PTPRT: variants seen among roughly 807,000 people sequenced by gnomAD.
The protein encoded by PTPRT is receptor-type tyrosine-protein phosphatase T.
In PTPRT, 56 loss-of-function variants were observed where a neutral mutation model predicts 176.8. The ratio of observed to expected loss-of-function variants is 0.32; its 90% confidence interval spans 0.26 to 0.40. The LOEUF is 0.40. Ranked by LOEUF, PTPRT falls within the 10% of genes least tolerant of loss-of-function variation. PTPRT has a pLI of 1.00. For synonymous variants in PTPRT, 783 were observed against 739.0 expected, an observed-to-expected ratio of 1.06 and a Z score of -0.96; for missense variants, 1,540 against 1,908.2, an observed-to-expected ratio of 0.81 and a Z score of 3.60.
chr20:42,663,133 A>G (rs555345522), intron 7 of PTPRT, among the ~76,000 whole-genome samples: 7 of 152,140 alleles, frequency 4.6e-5, no homozygotes, highest in Non-Finnish European at 8.8e-5. Flanking sequence ...TCAAAGAAAC[A>G]CTTTGATCTC....
chr20:42,820,639 C>T (rs1011029739), intron 2 of PTPRT, among the ~76,000 whole-genome samples: 10 of 151,064 alleles, frequency 6.6e-5, no homozygotes, highest in East Asian at 3.9e-4. Context: ...GATGGTTTTT[C>T]GAAAAAATTA....
intron 2 of PTPRT, among the ~76,000 whole-genome samples, chr20:42,882,634 C>T (rs1011902867): frequency 1.3e-5 from 2 of 152,100 alleles, no homozygotes; most frequent in Admixed American, 1.3e-4. Flanking sequence ...GACTATTTGC[C>T]CATCCACACA....
At chr20:42,345,760 C>T (rs182234752) in intron 11 of PTPRT, among the ~76,000 whole-genome samples, 1 of 151,656 alleles carries the variant, frequency 6.6e-6, no homozygotes, top group Non-Finnish European at 1.5e-5. Context: ...TATATATGAA[C>T]AGCTGTATAA....
intron 1 of PTPRT, among the ~76,000 whole-genome samples, chr20:42,920,824 AG>A (rs1568681366): frequency 6.6e-6 from 1 of 152,212 alleles, no homozygotes; most frequent in Non-Finnish European, 1.5e-5. Context: ...CTGGGTAACA[AG>A]TAAGACCAAG....
chr20:42,510,341 C>A (rs977539509), intron 7 of PTPRT, among the ~76,000 whole-genome samples: 3 of 152,014 alleles, frequency 2.0e-5, no homozygotes, highest in African/African-American at 4.8e-5. Flanking sequence ...AAGTTTGTAG[C>A]CTATATTCTT....
chr20:42,616,851 G>A lies in PTPRT; in HGVS notation c.1153+61015C>T, dbSNP rs1469734859. ...AGGAGATTTTGGGCTGAGACAATGG[G>A]GTTTTCTAGATATACAATCATGTCA... On this transcript the variant is annotated intron_variant, in intron 7 of 30. Transcript: ENST00000373187. 2.5e-4 allele frequency among the ~76,000 whole-genome samples: 34 copies of A among 136,194 alleles called. 3 individuals carry two copies. The Middle Eastern group carries it at 0.011, about 42-fold the overall frequency. The allele number at this position is 136,194 out of a possible 152,430, so 89.3% of individuals were successfully genotyped here.
intron 27 of PTPRT, among the ~76,000 whole-genome samples, chr20:42,094,163 C>A: frequency 6.6e-6 from 1 of 152,160 alleles, no homozygotes; most frequent in South Asian, 2.1e-4. Flanking sequence ...TGTGCCTGAG[C>A]TCTGGTTTTG....
chr20:42,371,025 TG>T (rs978426641), intron 9 of PTPRT, among the ~76,000 whole-genome samples: 5 of 152,228 alleles, frequency 3.3e-5, no homozygotes, highest in African/African-American at 1.2e-4. Flanking sequence ...GTTATTTACT[TG>T]GGCAAACCTT....
rs759164094 is a variant in PTPRT at position 42,102,267 on chromosome 20, G to A, written c.3571C>T (p.Pro1191Ser). The A allele has an allele frequency of 1.2e-6, 2 of 1,614,162 alleles. No individual in the cohort carries two copies. Among genetic ancestry groups the A allele is most frequent in the South Asian group, 2.2e-5 (2 of 91,078 alleles). ...AGGAGCCCAATGCTGCAGTCCTCGG[G>A]CCGCACACGGGGTGTCACAATGTTG... ...TLNIVTPRVRPEDCSIGLLPR... is the reference protein window; with the variant it reads ...TLNIVTPRVRSEDCSIGLLPR... Residue 1191 changes from proline (P) to serine (S), a missense_variant, in exon 26 of 31, where the codon CCC becomes TCC. Transcript: ENST00000373187.
intron 6 of PTPRT, among the ~76,000 whole-genome samples, chr20:42,755,257 C>T (rs2076814715): frequency 6.6e-6 from 1 of 152,118 alleles, no homozygotes; most frequent in South Asian, 2.1e-4. Flanking sequence ...GCCTGCAACC[C>T]CCAGTCCAGT....
At chr20:42,826,658 T>C (rs2077999117) in intron 2 of PTPRT, among the ~76,000 whole-genome samples, 1 of 152,168 alleles carries the variant, frequency 6.6e-6, no homozygotes, top group Non-Finnish European at 1.5e-5. Flanking sequence ...CAAGCTGGCA[T>C]GATAACCAAC....
At chr20:42,960,126 T>A (rs1028898093) in intron 1 of PTPRT, among the ~76,000 whole-genome samples, 1 of 152,182 alleles carries the variant, frequency 6.6e-6, no homozygotes, top group Non-Finnish European at 1.5e-5. Flanking sequence ...AACTCCCTCA[T>A]ATACAGTCAC....
chr20:42,830,387 A>T (rs946220584), intron 2 of PTPRT, among the ~76,000 whole-genome samples: 79 of 152,354 alleles, frequency 5.2e-4, no homozygotes, highest in African/African-American at 1.7e-3. Flanking sequence ...GCTTTCAATA[A>T]AATTCAATAT....
intron 15 of PTPRT, among the ~76,000 whole-genome samples, chr20:42,224,023 G>T (rs1448708753): frequency 6.6e-6 from 1 of 152,076 alleles, no homozygotes; most frequent in African/African-American, 2.4e-5. Context: ...AAAAACATGG[G>T]TGGTTGTAAT....
At chr20:42,557,433 G>A (rs1193688952) in intron 7 of PTPRT, among the ~76,000 whole-genome samples, 2 of 152,018 alleles carry the variant, frequency 1.3e-5, no homozygotes, top group African/African-American at 4.8e-5. Context: ...CCAGAGACAG[G>A]TCATGGGCAG....
At chr20:42,958,347 GGGGC>G (rs1981782361) in intron 1 of PTPRT, among the ~76,000 whole-genome samples, 8 of 9,290 alleles carry the variant, frequency 8.6e-4, no homozygotes, top group Non-Finnish European at 1.1e-3. Context: ...GGGGAGAGGA[GGGGC>G]TGGGAAGGGA....
At chr20:42,348,413 A>G (rs1378779056) in intron 11 of PTPRT, among the ~76,000 whole-genome samples, 2 of 84,092 alleles carry the variant, frequency 2.4e-5, no homozygotes, top group Admixed American at 2.6e-4. Context: ...TTTTTGGATA[A>G]AAATGTCACC....
At chr20:43,067,843 G>A (rs1464733891) in intron 1 of PTPRT, among the ~76,000 whole-genome samples, 1 of 146,826 alleles carries the variant, frequency 6.8e-6, no homozygotes, top group Admixed American at 6.8e-5. Context: ...GCACCCACCT[G>A]TAGACCCAGC....
At chr20:42,034,342 C>G in the PTPRT span, among the ~76,000 whole-genome samples, 1 of 152,060 alleles carries the variant, frequency 6.6e-6, no homozygotes, top group African/African-American at 2.4e-5. Flanking sequence ...ACATCTCCAG[C>G]TTGCTTCATC....
Sources: gnomAD v4.1 joint callset for allele counts (sites outside exome capture counted in the v4.1 genomes callset) on GRCh38, gnomAD v4.1.1 for gene constraint, MANE v1.5 for transcripts, NCBI Gene and HGNC (gene_info 2026-07-23, HGNC 2026-07-21) for gene names.